The following EVA1C variants were observed in gnomAD, a reference collection of about 807,000 sequenced individuals.
EVA1C encodes the protein eva-1 homolog C.
EVA1C carries 25 observed loss-of-function variants against 45.4 expected under a neutral mutation model. That is an observed-to-expected ratio of 0.55 (90% CI 0.40 to 0.77). The LOEUF (loss-of-function observed/expected upper bound fraction) is 0.77. Ranked by LOEUF, EVA1C falls within the 30% of genes least tolerant of loss-of-function variation. The pLI is 0.00. For synonymous variants in EVA1C, 190 were observed against 221.2 expected (o/e 0.86, Z 1.25); for missense variants, 479 against 554.8 (o/e 0.86, Z 1.37).
chr21:32,442,664 A>T (rs757254081), intron 1 of EVA1C, among the ~76,000 whole-genome samples: 67 of 86,720 alleles, frequency 7.7e-4, no homozygotes, highest in Non-Finnish European at 1.2e-3. Flanking sequence ...GGCAGGTTAT[A>T]AAAAAAAAAA....
intron 7 of EVA1C, among the ~76,000 whole-genome samples, chr21:32,508,404 C>T (rs62214677): frequency 0.087 from 13,164 of 152,152 alleles, 595 homozygotes; most frequent in Non-Finnish European, 0.097. Flanking sequence ...CCTGGGATGT[C>T]CTGTTTTGGG....
chr21:32,503,882 A>G (rs1253594587), intron 6 of EVA1C, 44 bp from the exon 7 acceptor site: 4 of 1,376,688 alleles, frequency 2.9e-6, no homozygotes. Context: ...TAGGCGTACT[A>G]TGAACAGCTG....
At chr21:32,489,825 A>C (rs1383807838) in intron 4 of EVA1C, among the ~76,000 whole-genome samples, 4 of 151,962 alleles carry the variant, frequency 2.6e-5, no homozygotes, top group African/African-American at 9.7e-5. Flanking sequence ...CTCTTTGGTT[A>C]AATTTATTCC....
intron 3 of EVA1C, among the ~76,000 whole-genome samples, chr21:32,466,425 A>C (rs1216703776): frequency 4.6e-5 from 7 of 152,086 alleles, no homozygotes; most frequent in Admixed American, 4.6e-4. Flanking sequence ...TCTCAAAAAA[A>C]AAAAAAAAAA....
intron 3 of EVA1C, among the ~76,000 whole-genome samples, chr21:32,466,492 A>T (rs1256461290): frequency 2.1e-5 from 3 of 141,678 alleles, no homozygotes; most frequent in Non-Finnish European, 4.6e-5. Context: ...TACATTCTTT[A>T]AAAAAAAAAA....
intron 3 of EVA1C, among the ~76,000 whole-genome samples, chr21:32,459,294 G>A (rs933141303): frequency 2.6e-5 from 4 of 151,996 alleles, no homozygotes; most frequent in African/African-American, 4.8e-5. Context: ...ATTCAGAACC[G>A]CCTGAACTCC....
At chr21:32,484,353 G>C (rs1176131915) in intron 4 of EVA1C, among the ~76,000 whole-genome samples, 1 of 152,136 alleles carries the variant, frequency 6.6e-6, no homozygotes, top group African/African-American at 2.4e-5. Context: ...AGACCAGCCT[G>C]ACCAAGATGG....
chr21:32,437,618 C>T (rs2035009395), intron 1 of EVA1C, among the ~76,000 whole-genome samples: 1 of 152,218 alleles, frequency 6.6e-6, no homozygotes, highest in Admixed American at 6.5e-5. Context: ...CCTGGAGAAG[C>T]TCCCTCTGAG....
intron 2 of EVA1C, among the ~76,000 whole-genome samples, chr21:32,455,026 A>G (rs571814354): frequency 1.3e-5 from 2 of 152,314 alleles, no homozygotes; most frequent in East Asian, 3.9e-4. Context: ...CCACTGTCTT[A>G]GTCCTTTTTG....
chr21:32,412,964 C>T lies in EVA1C; in HGVS notation c.111C>T (p.Cys37=), dbSNP rs372880707. 2.5e-5 allele frequency: 39 copies of T among 1,561,736 alleles called. No individual in the cohort carries two copies. In the African/African-American group the frequency reaches 5.2e-4, roughly 21 times the overall value. ...PPGQLLRLFY[C]TVLVCSKEIS... ...GGCAGCTCCTGCGCCTCTTCTACTG[C>T]ACTGTCCTGGTCTGCTCCAAAGAGA... Residue 37 remains cysteine (C), a synonymous_variant, in exon 1 of 8, where the codon TGC becomes TGT. Transcript: ENST00000300255.
chr21:32,511,438 A>AAAAAAAAAAAG (rs772421375), intron 7 of EVA1C, among the ~76,000 whole-genome samples: 3 of 148,688 alleles, frequency 2.0e-5, no homozygotes, highest in Non-Finnish European at 4.5e-5. Context: ...AAAAAAAAAA[A>AAAAAAAAAAAG]AAAGAAAGAA....
intron 7 of EVA1C, among the ~76,000 whole-genome samples, chr21:32,509,357 C>T (rs1157040345): frequency 2.0e-5 from 3 of 152,200 alleles, no homozygotes; most frequent in East Asian, 1.9e-4. Context: ...CCTTAAAGAG[C>T]GCTCACTTAG....
chr21:32,459,194 A>C (rs1308658903), intron 3 of EVA1C, among the ~76,000 whole-genome samples: 1 of 152,060 alleles, frequency 6.6e-6, no homozygotes, highest in African/African-American at 2.4e-5. Flanking sequence ...TCAAACACAT[A>C]CAAGCTGTCA....
At chr21:32,440,703 T>G (rs1448735156) in intron 1 of EVA1C, among the ~76,000 whole-genome samples, 3 of 152,164 alleles carry the variant, frequency 2.0e-5, no homozygotes, top group Admixed American at 2.0e-4. Context: ...AAGCCCTGGG[T>G]TATGTTGGTT....
intron 1 of EVA1C, among the ~76,000 whole-genome samples, chr21:32,441,873 TCCA>T (rs1158557895): frequency 6.6e-6 from 1 of 152,158 alleles, no homozygotes; most frequent in East Asian, 1.9e-4. Context: ...CGAGGTTTCT[TCCA>T]TTTGGTGCCT....
intron 4 of EVA1C, among the ~76,000 whole-genome samples, chr21:32,469,222 G>A (rs2036288333): frequency 6.6e-6 from 1 of 152,188 alleles, no homozygotes; most frequent in South Asian, 2.1e-4. Flanking sequence ...TAATGAATGG[G>A]TGCATATGTC....
At chr21:32,454,766 T>C (rs114794006) in intron 2 of EVA1C, among the ~76,000 whole-genome samples, 55 of 152,282 alleles carry the variant, frequency 3.6e-4, no homozygotes, top group African/African-American at 1.3e-3. Context: ...TAATGCTGTG[T>C]AGCTCTCCCT....
intron 1 of EVA1C, among the ~76,000 whole-genome samples, chr21:32,430,248 T>C (rs1259654265): frequency 6.6e-6 from 1 of 152,156 alleles, no homozygotes; most frequent in Non-Finnish European, 1.5e-5. Context: ...GGAAGAAGAC[T>C]GGTGCCCTCT....
intron 1 of EVA1C, among the ~76,000 whole-genome samples, chr21:32,414,820 C>G (rs1219088701): frequency 6.6e-6 from 1 of 152,196 alleles, no homozygotes; most frequent in East Asian, 1.9e-4. Flanking sequence ...CATTTTTCCT[C>G]TCATCAGTGA....
Sources: allele counts gnomAD v4.1 joint callset (sites outside exome capture counted in the v4.1 genomes callset), GRCh38; gene constraint gnomAD v4.1.1; transcripts MANE v1.5; gene names NCBI Gene and HGNC (gene_info 2026-07-23, HGNC 2026-07-21).